Variants in MAPK4 observed in about 807,000 individuals in gnomAD.
MAPK4 encodes Erk3-related.
In MAPK4, 22 loss-of-function variants were observed where a neutral mutation model predicts 47.7. The ratio of observed to expected loss-of-function variants is 0.46; its 90% CI spans 0.33 to 0.66. MAPK4 has a LOEUF of 0.66. Among genes scored for constraint, MAPK4 ranks in the 30% least tolerant of loss-of-function variants. The pLI is 0.02. For synonymous variants in MAPK4, 390 were observed against 365.7 expected, an observed-to-expected ratio of 1.07 and a Z score of -0.76; for missense variants, 736 against 831.7, an observed-to-expected ratio of 0.88 and a Z score of 1.42.
At chr18:50,636,260 C>A (rs1345608844) in intron 1 of MAPK4, among the ~76,000 whole-genome samples, 1 of 152,320 alleles carries the variant, frequency 6.6e-6, no homozygotes, top group East Asian at 1.9e-4. Flanking sequence ...CTTGTAAGTT[C>A]TTACCTCCAT....
rs115989194 is a variant in MAPK4 at position 50,626,420 on chromosome 18, C to T, written c.-870-36669C>T. Among the ~76,000 whole-genome samples, 735 of 152,180 alleles carry T rather than the reference C, an allele frequency of 4.8e-3. 6 individuals are homozygous for T. The highest frequency in any genetic ancestry group is 0.016 in the African/African-American group (674 of 41,496). On this transcript the variant is annotated intron_variant, in intron 1 of 5. Transcript: ENST00000400384. ...CTTGGGGATGGCTTGGGCATCATGG[C>T]GTCTGCGGTCCTTGCACACTGAGCC...
intron 1 of MAPK4, among the ~76,000 whole-genome samples, chr18:50,656,001 G>A (rs1409285214): frequency 6.6e-6 from 1 of 152,090 alleles, no homozygotes; most frequent in Non-Finnish European, 1.5e-5. Context: ...AAACAGACAG[G>A]TAAGGTTCCC....
intron 1 of MAPK4, among the ~76,000 whole-genome samples, chr18:50,585,896 C>G (rs1248176636): frequency 1.3e-5 from 2 of 152,224 alleles, no homozygotes; most frequent in Non-Finnish European, 2.9e-5. Context: ...AACTCACTCA[C>G]TGTCACAAGA....
At chr18:50,612,365 C>T (rs762714023) in intron 1 of MAPK4, among the ~76,000 whole-genome samples, 1 of 152,234 alleles carries the variant, frequency 6.6e-6, no homozygotes, top group African/African-American at 2.4e-5. Flanking sequence ...CTAAACCTAT[C>T]ATAAGCAATG....
intron 1 of MAPK4, among the ~76,000 whole-genome samples, chr18:50,640,852 G>C (rs1307742888): frequency 6.6e-6 from 1 of 152,154 alleles, no homozygotes; most frequent in Non-Finnish European, 1.5e-5. Context: ...ATTAGTGCCT[G>C]CGCAGTCAGG....
chr18:50,617,242 TCGGG>T (rs1568046998), intron 1 of MAPK4, among the ~76,000 whole-genome samples: 2 of 484 alleles, frequency 4.1e-3, no homozygotes, highest in Non-Finnish European at 9.3e-3. Flanking sequence ...ACAGAAGACA[TCGGG>T]ACATCGGGGT....
intron 2 of MAPK4, among the ~76,000 whole-genome samples, chr18:50,711,754 A>G (rs1476899950): frequency 6.6e-6 from 1 of 151,866 alleles, no homozygotes; most frequent in Non-Finnish European, 1.5e-5. Flanking sequence ...ATTTTTTTTG[A>G]GCCAATATAC....
rs373179281 is a variant in MAPK4, at chr18:50,704,620, G to A, written c.547-10459G>A. The A allele has an allele frequency of 9.3e-5, 37 of 398,662 alleles. No homozygotes were observed. In the South Asian group the frequency reaches 3.1e-3, roughly 33 times the overall value. The allele number at this position is 398,662 out of a possible 1,614,324, so 24.7% of individuals were successfully genotyped here. On this transcript the variant is annotated intron_variant, in intron 2 of 5. Transcript: ENST00000400384. Reference sequence around the variant, plus strand: ...GGAAGTTCCTTTTGTTCTTCTGAGCGTTCTCTGCAAGTCAAACTGGGGAGA... The same window carrying A: ...GGAAGTTCCTTTTGTTCTTCTGAGCATTCTCTGCAAGTCAAACTGGGGAGA...
chr18:50,608,730 TG>T (rs1222397940), intron 1 of MAPK4, among the ~76,000 whole-genome samples: 3 of 151,758 alleles, frequency 2.0e-5, no homozygotes, highest in African/African-American at 2.4e-5. Flanking sequence ...TTATTATTTT[TG>T]TTTAGTATTT....
At chr18:50,636,481 C>A (rs113966651) in intron 1 of MAPK4, among the ~76,000 whole-genome samples, 1 of 152,198 alleles carries the variant, frequency 6.6e-6, no homozygotes, top group African/African-American at 2.4e-5. Context: ...TTTAGTCTTG[C>A]TGCTCTGTAA....
At chr18:50,667,145 T>C (rs566689213) in intron 2 of MAPK4, among the ~76,000 whole-genome samples, 2 of 152,284 alleles carry the variant, frequency 1.3e-5, no homozygotes, top group Non-Finnish European at 2.9e-5. Flanking sequence ...CATCCCATCA[T>C]GGGTATCTTC....
intron 2 of MAPK4, among the ~76,000 whole-genome samples, chr18:50,672,394 T>C (rs1040413260): frequency 2.6e-5 from 4 of 152,200 alleles, no homozygotes; most frequent in African/African-American, 4.8e-5. Flanking sequence ...GAAATATCCC[T>C]TTTTTAAAGG....
chr18:50,628,704 G>C (rs1263325526), intron 1 of MAPK4, among the ~76,000 whole-genome samples: 1 of 152,194 alleles, frequency 6.6e-6, no homozygotes, highest in Non-Finnish European at 1.5e-5. Flanking sequence ...AGGATCTTCT[G>C]ATAGCCCCTC....
At chr18:50,721,212 T>C (rs554125273) in intron 3 of MAPK4, among the ~76,000 whole-genome samples, 5 of 152,134 alleles carry the variant, frequency 3.3e-5, no homozygotes, top group Admixed American at 3.3e-4. Context: ...TGAGTTGAGT[T>C]TCTGAGACAA....
intron 1 of MAPK4, among the ~76,000 whole-genome samples, chr18:50,568,230 T>A (rs1339058077): frequency 6.6e-6 from 1 of 151,840 alleles, no homozygotes; most frequent in Non-Finnish European, 1.5e-5. Context: ...AAAAAAGAAT[T>A]CCATACAACC....
At chr18:50,711,944 G>A (rs1204532575) in intron 2 of MAPK4, among the ~76,000 whole-genome samples, 2 of 150,896 alleles carry the variant, frequency 1.3e-5, no homozygotes, top group African/African-American at 4.9e-5. Context: ...TCTCCCATTC[G>A]GACACCCAGG....
chr18:50,716,942 GT>G (rs1910669516), intron 3 of MAPK4, among the ~76,000 whole-genome samples: 1 of 152,210 alleles, frequency 6.6e-6, no homozygotes, highest in Non-Finnish European at 1.5e-5. Context: ...GCCCTCCTCT[GT>G]GGCCTACCAG....
At chr18:50,601,462 C>T (rs2042540667) in intron 1 of MAPK4, among the ~76,000 whole-genome samples, 1 of 151,798 alleles carries the variant, frequency 6.6e-6, no homozygotes, top group Non-Finnish European at 1.5e-5. Context: ...GAAACACATG[C>T]AACTTTCTCT....
At chr18:50,570,756 C>T (rs2042242930) in intron 1 of MAPK4, among the ~76,000 whole-genome samples, 1 of 152,174 alleles carries the variant, frequency 6.6e-6, no homozygotes, top group Non-Finnish European at 1.5e-5. Flanking sequence ...GCAGCCACAT[C>T]TATTTTCCCC....
Sources: gnomAD v4.1 joint callset for allele counts (sites outside exome capture counted in the v4.1 genomes callset) on GRCh38, gnomAD v4.1.1 for gene constraint, MANE v1.5 for transcripts, NCBI Gene and HGNC (gene_info 2026-07-23, HGNC 2026-07-21) for gene names.